The following GATA3 variants were observed in gnomAD, a reference collection of about 807,000 sequenced individuals.
GATA3 encodes the protein trans-acting T-cell-specific transcription factor GATA-3.
A neutral mutation model predicts 36.0 loss-of-function variants in GATA3; 6 were observed. The ratio of observed to expected loss-of-function variants is 0.17; its 90% CI spans 0.09 to 0.33. The LOEUF is 0.33. GATA3 is among the 10% of genes least tolerant of loss of function. The probability of loss-of-function intolerance (pLI) is 1.00; values close to 1 mark genes in which losing one functional copy is unlikely to be tolerated. For synonymous variants in GATA3, 326 were observed against 273.0 expected (o/e 1.19, Z -1.92); for missense variants, 514 against 610.1 (o/e 0.84, Z 1.66).
rs552477177 is a variant in GATA3 at position 8,048,175 on chromosome 10, C to T, written c.-370+2660C>T. ...TCCTAAAAGGCCAAACTGAAGCAGACGGAGGAGACTCGGCTGAGGCCAGCG... is the reference window on the plus strand; with the variant it reads ...TCCTAAAAGGCCAAACTGAAGCAGATGGAGGAGACTCGGCTGAGGCCAGCG... On this transcript the variant is annotated intron_variant, in intron 1 of 1. Coordinates refer to the GATA3 transcript ENST00000643001. Among the ~76,000 whole-genome samples, 10 of 152,292 alleles carry T rather than the reference C, an allele frequency of 6.6e-5. No homozygotes were observed. The East Asian group carries it at 1.9e-3, about 29-fold the overall frequency.
At chr10:8,066,023 C>T (rs997136194) in intron 4 of GATA3, among the ~76,000 whole-genome samples, 19 of 144,634 alleles carry the variant, frequency 1.3e-4, no homozygotes, top group African/African-American at 4.8e-4. Context: ...AAACAAAAAC[C>T]TTCTTGTTAA....
At chr10:8,071,379 A>G (rs1832929005) in intron 5 of GATA3, among the ~76,000 whole-genome samples, 1 of 152,150 alleles carries the variant, frequency 6.6e-6, no homozygotes, top group Non-Finnish European at 1.5e-5. Context: ...GTGTGTGTGT[A>G]TATTTCATCC....
At chr10:8,065,283 A>G in intron 4 of GATA3, among the ~76,000 whole-genome samples, 1 of 122,920 alleles carries the variant, frequency 8.1e-6, no homozygotes. Flanking sequence ...TTTGAGACAG[A>G]GTCTCACTCT....
chr10:8,069,336 T>G lies in GATA3; in HGVS notation c.925-137T>G, dbSNP rs1180468929. The G allele has an allele frequency of 1.0e-5, 9 of 894,958 alleles. No individual in the cohort carries two copies. In the East Asian group the frequency reaches 2.3e-4, roughly 23 times the overall value. 55.4% of individuals were successfully genotyped at this position (894,958 alleles called of 1,614,324 possible). A position where few individuals can be genotyped will look rare whatever the true frequency, so the allele number is the denominator to read the frequency against. On this transcript the variant is annotated intron_variant, in intron 4 of 5. Transcript: ENST00000379328. ...CTTTTGGGGATCTGTATTACTTTCA[T>G]GTGGACCACTTGCTAGTTTTGATTT...
At position 8,074,288 on chromosome 10, in the gene GATA3, A is replaced by AAG. The variant is rs1554797054; in HGVS notation, c.*265_*266insAG. On this transcript the variant is annotated 3_prime_UTR_variant, in exon 6 of 6. Transcript: ENST00000379328. ...GGTCTCTAGTGCTGTGAAAAAAAAA[A>AAG]TGCTGAACATTGCATATAACTTATA... 9.9e-6 allele frequency: 5 copies of AAG among 505,718 alleles called. No individual in the cohort carries two copies. Among genetic ancestry groups the AAG allele is most frequent in the Non-Finnish European group, 1.7e-5 (5 of 286,262 alleles). The allele number at this position is 505,718 out of a possible 1,614,324, so 31.3% of individuals were successfully genotyped here. A position where few individuals can be genotyped will look rare whatever the true frequency, so the allele number is the denominator to read the frequency against.
chr10:8,061,194 T>C (rs1832743203), intron 3 of GATA3, among the ~76,000 whole-genome samples: 1 of 152,158 alleles, frequency 6.6e-6, no homozygotes, highest in South Asian at 2.1e-4. Context: ...AAGTCGTGGT[T>C]AGGGCACCTA....
upstream of GATA3, among the ~76,000 whole-genome samples, chr10:8,051,846 C>T (rs1380653334): frequency 1.3e-5 from 2 of 152,094 alleles, no homozygotes; most frequent in African/African-American, 4.8e-5. Context: ...GGCCCGGACC[C>T]CCGCAGCCCG....
At chr10:8,060,291 G>C (rs1832725936) in intron 3 of GATA3, among the ~76,000 whole-genome samples, 1 of 152,238 alleles carries the variant, frequency 6.6e-6, no homozygotes, top group Non-Finnish European at 1.5e-5. Context: ...TGCATGTTCA[G>C]TACATGAAAG....
intron 1 of GATA3, among the ~76,000 whole-genome samples, chr10:8,045,971 A>G (rs1832382086): frequency 6.6e-6 from 1 of 152,214 alleles, no homozygotes; most frequent in South Asian, 2.1e-4. Context: ...GTCTCTGCAT[A>G]TAATTAAAGA....
chr10:8,058,879 C>T (rs748630999), intron 3 of GATA3, 38 bp downstream of exon 3: 162 of 1,587,146 alleles, frequency 1.0e-4, no homozygotes, highest in Non-Finnish European at 1.3e-4. Flanking sequence ...TTTCTCCTCC[C>T]TCCTCCCCTT....
At chr10:8,057,656 C>T (rs1317278178) in intron 2 of GATA3, among the ~76,000 whole-genome samples, 1 of 152,178 alleles carries the variant, frequency 6.6e-6, no homozygotes, top group Non-Finnish European at 1.5e-5. Context: ...CCATTTTAGG[C>T]CTTTTGCGGG....
In GATA3 at chr10:8,074,276, G is replaced by T; in HGVS notation, c.*253G>T. On this transcript the variant is annotated 3_prime_UTR_variant, in exon 6 of 6. Transcript: ENST00000379328. ...CCTATTTAACAGGGTCTCTAGTGCT[G>T]TGAAAAAAAAAATGCTGAACATTGC... is the stretch of plus-strand genomic sequence containing the variant. 4.9e-6 allele frequency: 2 copies of T among 407,968 alleles called. No homozygotes were observed. The highest frequency in any genetic ancestry group is 8.3e-6 in the Non-Finnish European group (2 of 242,160). 25.3% of individuals were successfully genotyped at this position (407,968 alleles called of 1,614,324 possible).
Position 8,055,615 on chromosome 10 carries a change from G to T in GATA3, c.-41G>T. On this transcript the variant is annotated 5_prime_UTR_variant, in exon 2 of 6. Transcript: ENST00000379328. This position sits in a 1 kb window ranked among gnomAD's most constrained non-coding sequence, Gnocchi z 5.4. Reference sequence around the variant, plus strand: ...GGACCGCCCTCCCTCCCCGCGCGCGGGTTCCGGGCCCGGCGAGAGGGCGCG... The same window carrying T: ...GGACCGCCCTCCCTCCCCGCGCGCGTGTTCCGGGCCCGGCGAGAGGGCGCG... 6.5e-7 allele frequency: 1 copy of T among 1,539,084 alleles called. No homozygotes were observed.
In GATA3 at chr10:8,046,229, C is replaced by T. The variant is rs1286604227; in HGVS notation, c.-370+714C>T. 1.3e-5 allele frequency among the ~76,000 whole-genome samples: 2 copies of T among 152,296 alleles called. 1 individual carries two copies. The highest frequency in any genetic ancestry group is 4.1e-4 in the South Asian group (2 of 4,826). ...CAAAAAGTCACTCAGAGGCAGTTCC[C>T]CCCTGAAGACAGATATTGTTAAAAT... On this transcript the variant is annotated intron_variant, in intron 1 of 1. Transcript: ENST00000643001.
chr10:8,055,548 C>A lies in GATA3; in HGVS notation c.-108C>A, dbSNP rs2131481587. 1.6e-6 allele frequency: 2 copies of A among 1,265,942 alleles called. No homozygotes were observed. Among genetic ancestry groups the A allele is most frequent in the Non-Finnish European group, 2.2e-6 (2 of 919,374 alleles). The allele number at this position is 1,265,942 out of a possible 1,614,324, so 78.4% of individuals were successfully genotyped here. ...CCACCGAAAGCAAATCATTCAACGA[C>A]CCCCGACCCTCCGACGGCAGGAGCC... On this transcript the variant is annotated 5_prime_UTR_variant, in exon 2 of 6. Transcript: ENST00000379328. This position sits in a 1 kb window ranked among gnomAD's most constrained non-coding sequence, Gnocchi z 5.4.
intron 4 of GATA3, 99 bp from the exon 5 acceptor site, chr10:8,069,374 C>G: frequency 5.0e-6 from 6 of 1,211,356 alleles, no homozygotes; most frequent in Non-Finnish European, 6.1e-6. Context: ...ATGATAATTT[C>G]TTCCTTCCTT....
chr10:8,055,859 C>G lies in GATA3; in HGVS notation c.204C>G (p.Val68=). 3.2e-6 allele frequency: 5 copies of G among 1,574,890 alleles called. No homozygotes were observed. Among genetic ancestry groups the G allele is most frequent in the Non-Finnish European group, 4.3e-6 (5 of 1,159,936 alleles). Residue 68 remains valine (V), a synonymous_variant, in exon 2 of 6, where the codon GTC becomes GTG. Coordinates refer to ENST00000379328, the MANE Select transcript of GATA3 (RefSeq NM_001002295.2). The surrounding 1 kb of genome is among the most constrained non-coding windows in gnomAD (Gnocchi z 5.4). ...NHVPPYYGNS[V]RATVQRYPPT... is the part of the protein sequence containing the mutation. ...TCCCGCCCTACTACGGAAACTCGGT[C>G]AGGGCCACGGTGCAGAGGTACCCTC...
In GATA3 at chr10:8,055,654, C is replaced by T. The variant is rs1334227463; in HGVS notation, c.-2C>T. On this transcript the variant is annotated 5_prime_UTR_variant, in exon 2 of 6. Transcript: ENST00000379328. This position sits in a 1 kb window ranked among gnomAD's most constrained non-coding sequence, Gnocchi z 5.4. Reference sequence around the variant, plus strand: ...CGAGAGGGCGCGAGCACAGCCGAGGCCATGGAGGTGACGGCGGACCAGCCG... The same window carrying T: ...CGAGAGGGCGCGAGCACAGCCGAGGTCATGGAGGTGACGGCGGACCAGCCG... 4 of 1,555,190 alleles carry T rather than the reference C, an allele frequency of 2.6e-6. No homozygotes were observed. In the South Asian group the frequency reaches 4.7e-5, roughly 18 times the overall value.
Position 8,055,355 on chromosome 10 carries a change from A to G in GATA3, c.-301A>G, listed in dbSNP as rs1003235315. ...GGTGCAGAGGAGCCTGGCTCGCAGA[A>G]TTGCAGAGTCGTCGCCCCTTTTTAC... On this transcript the variant is annotated 5_prime_UTR_variant, in exon 2 of 6. Coordinates refer to ENST00000379328, the MANE Select transcript of GATA3 (RefSeq NM_001002295.2). This position sits in a 1 kb window ranked among gnomAD's most constrained non-coding sequence, Gnocchi z 5.4. The G allele has an allele frequency of 5.8e-5, 29 of 497,510 alleles. No homozygotes were observed. The highest frequency in any genetic ancestry group is 5.4e-4 in the African/African-American group (27 of 50,120). The allele number at this position is 497,510 out of a possible 1,614,324, so 30.8% of individuals were successfully genotyped here.
Sources: gnomAD v4.1 joint callset for allele counts (sites outside exome capture counted in the v4.1 genomes callset) on GRCh38, gnomAD v4.1.1 for gene constraint, Gnocchi (gnomAD v3.1) non-coding constraint, MANE v1.5 for transcripts, NCBI Gene and HGNC (gene_info 2026-07-23, HGNC 2026-07-21) for gene names.